The following TAS2R1 variants were observed in gnomAD, a reference collection of about 807,000 sequenced individuals.
TAS2R1 encodes taste 2 receptor member 1.
For missense variants in TAS2R1, 370 were observed against 353.4 expected, an observed-to-expected ratio of 1.05 and a Z score of -0.38; for synonymous variants, 141 against 134.2, an observed-to-expected ratio of 1.05 and a Z score of -0.35.
chr5:9,650,376 T>C (rs1740279526), intron 2 of TAS2R1, among the ~76,000 whole-genome samples: 1 of 151,730 alleles, frequency 6.6e-6, no homozygotes, highest in Non-Finnish European at 1.5e-5. Flanking sequence ...ATAAAAACTG[T>C]GTGTGTGTGT....
the TAS2R1 span, among the ~76,000 whole-genome samples, chr5:9,789,143 C>A: frequency 6.6e-6 from 1 of 152,114 alleles, no homozygotes; most frequent in African/African-American, 2.4e-5. Context: ...GAATTACCAT[C>A]CAAAGGAGGA....
intron 2 of TAS2R1, among the ~76,000 whole-genome samples, chr5:9,652,328 G>A (rs1042146906): frequency 2.6e-5 from 4 of 152,152 alleles, no homozygotes; most frequent in African/African-American, 9.7e-5. Context: ...AAACACAGCT[G>A]AACACTTCCC....
At chr5:9,720,424 A>G in the TAS2R1 span, among the ~76,000 whole-genome samples, 1 of 152,248 alleles carries the variant, frequency 6.6e-6, no homozygotes, top group African/African-American at 2.4e-5. Flanking sequence ...GCAAGAGAGC[A>G]AACGGAAATG....
chr5:9,835,719 G>A, the TAS2R1 span, among the ~76,000 whole-genome samples: 5 of 152,146 alleles, frequency 3.3e-5, no homozygotes, highest in East Asian at 9.7e-4. Context: ...GGAAGCCTGG[G>A]AGGGCCTGGG....
At chr5:9,840,088 C>T in the TAS2R1 span, among the ~76,000 whole-genome samples, 1 of 152,112 alleles carries the variant, frequency 6.6e-6, no homozygotes, top group African/African-American at 2.4e-5. Context: ...CTCCTTGCTA[C>T]CTTGTATTTC....
In TAS2R1 at chr5:9,680,644, T is replaced by C. The variant is rs149350757; in HGVS notation, c.-241-21063A>G. On this transcript the variant is annotated intron_variant, in intron 1 of 2. Coordinates refer to the TAS2R1 transcript ENST00000506620. ...CATCAAAAAATTCCCAATAAAGGGG[T>C]ATCCTAAAAAACACCTGACCAGTAT... 2.2e-3 allele frequency among the ~76,000 whole-genome samples: 329 copies of C among 151,974 alleles called. 2 individuals are homozygous for C. Among genetic ancestry groups the C allele is most frequent in the African/African-American group, 6.8e-3 (283 of 41,456 alleles).
the TAS2R1 span, among the ~76,000 whole-genome samples, chr5:9,892,851 G>A: frequency 6.6e-6 from 1 of 152,242 alleles, no homozygotes; most frequent in South Asian, 2.1e-4. Flanking sequence ...TTCTTCAAGA[G>A]ACACAAGCCC....
Position 9,710,977 on chromosome 5 carries a change from G to T in TAS2R1, c.-242+1195C>A, listed in dbSNP as rs1193339133. Among the ~76,000 whole-genome samples, 8 of 114,388 alleles carry T rather than the reference G, an allele frequency of 7.0e-5. No individual in the cohort carries two copies. The East Asian group carries it at 1.1e-3, about 16-fold the overall frequency. 75.0% of individuals were successfully genotyped at this position (114,388 alleles called of 152,430 possible). A position where few individuals can be genotyped will look rare whatever the true frequency, so the allele number is the denominator to read the frequency against. ...ATAATTATATTTATATATAATTTATGATATATATTTATATATATTTAAAAA... is the reference window on the plus strand; with the variant it reads ...ATAATTATATTTATATATAATTTATTATATATATTTATATATATTTAAAAA... On this transcript the variant is annotated intron_variant, in intron 1 of 2. Transcript: ENST00000506620.
chr5:9,777,753 G>A, the TAS2R1 span, among the ~76,000 whole-genome samples: 2 of 152,166 alleles, frequency 1.3e-5, no homozygotes, highest in Non-Finnish European at 2.9e-5. Flanking sequence ...TAAATAATAA[G>A]ACTTGAAAGT....
intron 1 of TAS2R1, among the ~76,000 whole-genome samples, chr5:9,681,242 A>G (rs1023200412): frequency 2.0e-5 from 3 of 151,994 alleles, no homozygotes; most frequent in African/African-American, 7.2e-5. Context: ...TAACAAATGT[A>G]CTCTATTAAT....
chr5:9,854,745 A>G, the TAS2R1 span, among the ~76,000 whole-genome samples: 1 of 152,202 alleles, frequency 6.6e-6, no homozygotes, highest in Non-Finnish European at 1.5e-5. Flanking sequence ...GGAAGGTTAA[A>G]TAAATCGTGA....
At chr5:9,872,937 C>A in the TAS2R1 span, among the ~76,000 whole-genome samples, 1 of 152,126 alleles carries the variant, frequency 6.6e-6, no homozygotes, top group Non-Finnish European at 1.5e-5. Flanking sequence ...CATGCTCTGG[C>A]CTAATAATAA....
chr5:9,855,520 C>T, the TAS2R1 span, among the ~76,000 whole-genome samples: 1 of 152,200 alleles, frequency 6.6e-6, no homozygotes, highest in Non-Finnish European at 1.5e-5. Flanking sequence ...TGAGTGCATG[C>T]TCTCAGCAGC....
At chr5:9,895,359 G>A in the TAS2R1 span, among the ~76,000 whole-genome samples, 2 of 152,186 alleles carry the variant, frequency 1.3e-5, no homozygotes, top group Non-Finnish European at 2.9e-5. Flanking sequence ...AATAACTTCT[G>A]TTTCAGAGGA....
At chr5:9,680,307 A>G (rs1030837448) in intron 1 of TAS2R1, among the ~76,000 whole-genome samples, 1 of 152,220 alleles carries the variant, frequency 6.6e-6, no homozygotes, top group African/African-American at 2.4e-5. Flanking sequence ...TACGGGTGGA[A>G]GAGTTCCTAA....
the TAS2R1 span, among the ~76,000 whole-genome samples, chr5:9,801,718 T>G: frequency 3.3e-5 from 5 of 152,190 alleles, no homozygotes; most frequent in African/African-American, 1.2e-4. Context: ...CCTTTAGGAC[T>G]GCTGGCTGCA....
At chr5:9,687,974 A>T (rs976089539) in intron 1 of TAS2R1, among the ~76,000 whole-genome samples, 4 of 152,238 alleles carry the variant, frequency 2.6e-5, no homozygotes, top group Non-Finnish European at 5.9e-5. Context: ...CCTTTTCTCC[A>T]ATTAACCTGC....
the TAS2R1 span, among the ~76,000 whole-genome samples, chr5:9,750,176 C>T: frequency 1.3e-5 from 2 of 152,328 alleles, no homozygotes; most frequent in East Asian, 1.9e-4. Flanking sequence ...AGTGGCCTGG[C>T]TGCACCCCTC....
At chr5:9,675,511 G>A (rs1036219993) in intron 1 of TAS2R1, among the ~76,000 whole-genome samples, 1 of 150,636 alleles carries the variant, frequency 6.6e-6, no homozygotes, top group Non-Finnish European at 1.5e-5. Flanking sequence ...CCACCTCCTG[G>A]GTTCAAGTGA....
Sources: gnomAD v4.1 joint callset for allele counts (sites outside exome capture counted in the v4.1 genomes callset) on GRCh38, gnomAD v4.1.1 for gene constraint, MANE v1.5 for transcripts, NCBI Gene and HGNC (gene_info 2026-07-23, HGNC 2026-07-21) for gene names.